The following DCC variants were observed in gnomAD, a reference collection of about 807,000 sequenced individuals.
DCC encodes the protein netrin receptor DCC.
DCC carries 58 observed loss-of-function variants against 172.5 expected under a neutral mutation model. The observed-to-expected ratio is 0.34, with a 90% CI of 0.27 to 0.42. The LOEUF is 0.42. DCC is among the 10% of genes least tolerant of loss of function. The pLI is 1.00. For synonymous variants in DCC, 709 were observed against 644.5 expected, an observed-to-expected ratio of 1.10 and a Z score of -1.52; for missense variants, 1,740 against 1,791.0, an observed-to-expected ratio of 0.97 and a Z score of 0.51.
At chr18:52,385,832 T>C (rs1985776032) in intron 1 of DCC, among the ~76,000 whole-genome samples, 1 of 152,130 alleles carries the variant, frequency 6.6e-6, no homozygotes, top group Non-Finnish European at 1.5e-5. Context: ...TAGTGCTTGG[T>C]ATAGTTGACA....
chr18:53,088,146 AT>A (rs1275767095), intron 7 of DCC, among the ~76,000 whole-genome samples: 3 of 152,158 alleles, frequency 2.0e-5, no homozygotes, highest in African/African-American at 7.2e-5. Context: ...GAAGAAAGTC[AT>A]TGGTAGCTTG....
In DCC at chr18:53,526,759, T is replaced by C. The variant is rs1598851197; in HGVS notation, c.4254T>C (p.Asn1418=). The C allele has an allele frequency of 6.2e-7, 1 of 1,613,272 alleles. No homozygotes were observed. Among genetic ancestry groups the C allele is most frequent in the Non-Finnish European group, 8.5e-7 (1 of 1,179,538 alleles). ...ACAAACCAACAGAGGATTCAGCCAA[T>C]GTAAGGGCATCTTTAAAATTCATGC... The part of the protein sequence containing the change: ...ESHKPTEDSA[N]VYEQDDLSEQ... The change falls in exon 28 of 29, where the codon AAT becomes AAC. Residue 1418 remains asparagine (N), a splice_region_variant and synonymous_variant. Transcript: ENST00000442544.
intron 1 of DCC, among the ~76,000 whole-genome samples, chr18:52,546,343 A>G (rs892764977): frequency 6.6e-6 from 1 of 152,040 alleles, no homozygotes; most frequent in Non-Finnish European, 1.5e-5. Context: ...AGATTGACAA[A>G]GAAGAAAGAT....
At chr18:52,985,585 G>A (rs1390742591) in intron 5 of DCC, among the ~76,000 whole-genome samples, 1 of 151,996 alleles carries the variant, frequency 6.6e-6, no homozygotes, top group Non-Finnish European at 1.5e-5. Context: ...GTATTCTAAT[G>A]AGTGCCGTCA....
intron 22 of DCC, among the ~76,000 whole-genome samples, chr18:53,446,201 G>T (rs1314938205): frequency 6.6e-6 from 1 of 151,530 alleles, no homozygotes; most frequent in African/African-American, 2.4e-5. Flanking sequence ...TGGGAGAATT[G>T]CTTGAGGCTA....
chr18:53,315,306 G>A (rs554688503), intron 13 of DCC, among the ~76,000 whole-genome samples: 4 of 152,170 alleles, frequency 2.6e-5, no homozygotes, highest in East Asian at 1.9e-4. Flanking sequence ...TCCTTTTTAC[G>A]GCTGCATAGT....
At chr18:53,256,726 T>C (rs2056522476) in intron 12 of DCC, among the ~76,000 whole-genome samples, 1 of 152,188 alleles carries the variant, frequency 6.6e-6, no homozygotes. Context: ...AACTTTAAAG[T>C]AGGTTTTCCC....
chr18:53,043,012 G>GT (rs2042190467), intron 5 of DCC, among the ~76,000 whole-genome samples: 1 of 151,868 alleles, frequency 6.6e-6, no homozygotes, highest in Non-Finnish European at 1.5e-5. Flanking sequence ...AAAGACATAT[G>GT]CACACGTATG....
chr18:52,728,173 GTC>G (rs5824956), intron 1 of DCC, among the ~76,000 whole-genome samples: 99 of 148,556 alleles, frequency 6.7e-4, no homozygotes, highest in African/African-American at 7.1e-4. Context: ...TGTGGGCCCC[GTC>G]TCTCTCTCTC....
chr18:52,387,288 C>T (rs1416490514), intron 1 of DCC, among the ~76,000 whole-genome samples: 1 of 152,024 alleles, frequency 6.6e-6, no homozygotes, highest in East Asian at 1.9e-4. Flanking sequence ...ACACCGATGA[C>T]ATCATGGACA....
chr18:52,765,651 G>A (rs1401996505), intron 2 of DCC, among the ~76,000 whole-genome samples: 5 of 151,988 alleles, frequency 3.3e-5, no homozygotes, highest in Non-Finnish European at 7.4e-5. Context: ...AGACAAACAC[G>A]CCTCCTTCCC....
intron 19 of DCC, among the ~76,000 whole-genome samples, chr18:53,406,775 T>C (rs1033275414): frequency 1.3e-5 from 2 of 151,466 alleles, no homozygotes; most frequent in African/African-American, 4.8e-5. Flanking sequence ...AACCAGTACA[T>C]TTGTTCAACC....
At chr18:53,036,931 C>T (rs2042102164) in intron 5 of DCC, among the ~76,000 whole-genome samples, 1 of 151,916 alleles carries the variant, frequency 6.6e-6, no homozygotes, top group South Asian at 2.1e-4. Context: ...TAGTCTGAAG[C>T]TGATATACAT....
chr18:53,412,766 G>A (rs182313249), intron 20 of DCC, among the ~76,000 whole-genome samples: 5 of 152,214 alleles, frequency 3.3e-5, no homozygotes, highest in African/African-American at 1.2e-4. Context: ...CTAGAGGCTA[G>A]CATTTGGTCT....
chr18:53,467,336 CTT>C (rs1158938432), intron 24 of DCC, among the ~76,000 whole-genome samples: 1 of 151,840 alleles, frequency 6.6e-6, no homozygotes, highest in African/African-American at 2.4e-5. Context: ...TTTAGTGACT[CTT>C]TAGTATGATA....
At chr18:52,983,147 A>G (rs1316079541) in intron 5 of DCC, among the ~76,000 whole-genome samples, 2 of 152,182 alleles carry the variant, frequency 1.3e-5, no homozygotes, top group African/African-American at 2.4e-5. Context: ...GAATATTAGG[A>G]AAGTAAGAGG....
intron 5 of DCC, among the ~76,000 whole-genome samples, chr18:52,973,834 G>T (rs1348751431): frequency 2.0e-5 from 3 of 152,048 alleles, no homozygotes; most frequent in Non-Finnish European, 4.4e-5. Flanking sequence ...TTCACTGGAG[G>T]CTTATTTATC....
chr18:52,834,024 G>C (rs2038661335), intron 2 of DCC, among the ~76,000 whole-genome samples: 1 of 152,142 alleles, frequency 6.6e-6, no homozygotes, highest in East Asian at 1.9e-4. Context: ...CTATGTGCTT[G>C]GGTACATACA....
chr18:52,715,587 G>A (rs183736604), intron 1 of DCC, among the ~76,000 whole-genome samples: 2 of 152,230 alleles, frequency 1.3e-5, no homozygotes, highest in African/African-American at 2.4e-5. Context: ...TTACAGGAAT[G>A]TGCCACCACG....
Sources: allele counts gnomAD v4.1 joint callset (sites outside exome capture counted in the v4.1 genomes callset), GRCh38; gene constraint gnomAD v4.1.1; transcripts MANE v1.5; gene names NCBI Gene and HGNC (gene_info 2026-07-23, HGNC 2026-07-21).